Variants in RALGPS2 observed in about 807,000 individuals in gnomAD.
RALGPS2 encodes the protein ras-specific guanine nucleotide-releasing factor RalGPS2.
Under a neutral mutation model 86.8 loss-of-function variants are expected in RALGPS2, and 43 were observed. That is an observed-to-expected ratio of 0.50 (90% CI 0.39 to 0.64). The LOEUF (loss-of-function observed/expected upper bound fraction) is 0.64. Ranked by LOEUF, RALGPS2 falls within the 30% of genes least tolerant of loss-of-function variation. RALGPS2 has a pLI of 0.00. For missense variants in RALGPS2, 536 were observed against 694.6 expected, an observed-to-expected ratio of 0.77 and a Z score of 2.57; for synonymous variants, 243 against 231.3, an observed-to-expected ratio of 1.05 and a Z score of -0.46.
At chr1:178,770,408 A>G (rs1260429930) in intron 1 of RALGPS2, among the ~76,000 whole-genome samples, 1 of 152,142 alleles carries the variant, frequency 6.6e-6, no homozygotes, top group Non-Finnish European at 1.5e-5. Flanking sequence ...TTGGGGGGAA[A>G]AAGATGCCAC....
chr1:178,826,460 A>G (rs1160555925), intron 7 of RALGPS2, among the ~76,000 whole-genome samples: 1 of 152,202 alleles, frequency 6.6e-6, no homozygotes, highest in Non-Finnish European at 1.5e-5. Flanking sequence ...AAGAACAAAT[A>G]CTGTATAATT....
chr1:178,833,492 C>T lies in RALGPS2; in HGVS notation c.549C>T (p.Tyr183=). 6.5e-7 allele frequency: 1 copy of T among 1,532,710 alleles called. No homozygotes were observed. The highest frequency in any genetic ancestry group is 1.4e-5 in the African/African-American group (1 of 69,074). The allele number at this position is 1,532,710 out of a possible 1,614,324, so 94.9% of individuals were successfully genotyped here. A position where few individuals can be genotyped will look rare whatever the true frequency, so the allele number is the denominator to read the frequency against. Residue 183 remains tyrosine (Y), a synonymous_variant, in exon 8 of 20, where the codon TAC becomes TAT. Transcript: ENST00000367635. ...LEYVMSKEDN[Y]KRLRDYISSL... ...ATGTAATGAGTAAAGAAGATAACTA[C>T]AAAAGACTCAGAGACTATATAAGTA...
intron 7 of RALGPS2, among the ~76,000 whole-genome samples, chr1:178,825,955 G>A (rs1423700859): frequency 2.6e-5 from 4 of 152,152 alleles, no homozygotes; most frequent in Non-Finnish European, 5.9e-5. Context: ...AGAGTAAGGA[G>A]CAAAGATTAC....
rs563618773 is a variant in RALGPS2, at chr1:178,877,678, A to C, written c.745+43A>C. ...AATGCCAAGCCATTAAGATTGCTGTAATCCAGTGATTTATTTACACACACT... is the reference window on the plus strand; with the variant it reads ...AATGCCAAGCCATTAAGATTGCTGTCATCCAGTGATTTATTTACACACACT... On this transcript the variant is annotated intron_variant, in intron 9 of 19. Transcript: ENST00000367635. 5.0e-6 allele frequency: 8 copies of C among 1,602,706 alleles called. No homozygotes were observed. In the South Asian group the frequency reaches 7.7e-5, roughly 16 times the overall value.
chr1:178,735,907 G>A (rs1319150758), intron 1 of RALGPS2, among the ~76,000 whole-genome samples: 1 of 151,934 alleles, frequency 6.6e-6, no homozygotes, highest in Non-Finnish European at 1.5e-5. Flanking sequence ...AAACTCTTGA[G>A]CATTTAGGTT....
rs1036064729 is a variant in RALGPS2 at position 178,765,282 on chromosome 1, G to A, written c.-83-11400G>A. 1.3e-4 allele frequency among the ~76,000 whole-genome samples: 20 copies of A among 151,606 alleles called. No homozygotes were observed. The East Asian group carries it at 2.3e-3, about 18-fold the overall frequency. ...TCCTTTTCTATTTTCCCTAAATGTCGGCCAGTCTGAGAAATAAAGGGAAAG... is the reference window on the plus strand; with the variant it reads ...TCCTTTTCTATTTTCCCTAAATGTCAGCCAGTCTGAGAAATAAAGGGAAAG... On this transcript the variant is annotated intron_variant, in intron 1 of 19. Coordinates refer to ENST00000367635, the MANE Select transcript of RALGPS2 (RefSeq NM_152663.5).
At chr1:178,879,452 A>G (rs116628850) in intron 10 of RALGPS2, 1,726 of 153,306 alleles carry the variant, frequency 0.011, 10 homozygotes, top group Non-Finnish European at 0.016. Context: ...CCTTTCTCCA[A>G]TGTAGCAGAA....
chr1:178,779,794 C>T (rs938049675), intron 2 of RALGPS2, among the ~76,000 whole-genome samples: 11 of 152,198 alleles, frequency 7.2e-5, no homozygotes, highest in Non-Finnish European at 1.2e-4. Context: ...AGTGCAGTGG[C>T]ACGATCTGGG....
At chr1:178,874,413 A>G (rs1023783767) in intron 8 of RALGPS2, among the ~76,000 whole-genome samples, 1 of 152,174 alleles carries the variant, frequency 6.6e-6, no homozygotes, top group Non-Finnish European at 1.5e-5. Context: ...ACATGTGGCA[A>G]GTGGTTATAT....
intron 6 of RALGPS2, among the ~76,000 whole-genome samples, chr1:178,814,507 C>T (rs1313285610): frequency 6.6e-6 from 1 of 152,234 alleles, no homozygotes; most frequent in Non-Finnish European, 1.5e-5. Context: ...GTGATCCCAA[C>T]TCACTGCATC....
intron 8 of RALGPS2, among the ~76,000 whole-genome samples, chr1:178,873,720 G>T (rs1658871675): frequency 6.6e-6 from 1 of 152,202 alleles, no homozygotes; most frequent in Non-Finnish European, 1.5e-5. Context: ...AAATAAAATG[G>T]ATGAGTTACA....
intron 19 of RALGPS2, among the ~76,000 whole-genome samples, chr1:178,913,643 A>T (rs983265503): frequency 6.6e-6 from 1 of 152,048 alleles, no homozygotes; most frequent in African/African-American, 2.4e-5. Context: ...TGACTTTTGG[A>T]TGGTGCTTTT....
At chr1:178,889,067 G>A (rs1044159992) in intron 13 of RALGPS2, among the ~76,000 whole-genome samples, 5 of 151,776 alleles carry the variant, frequency 3.3e-5, no homozygotes, top group South Asian at 2.1e-4. Context: ...AATTGTAAAC[G>A]TTCTGTTTGA....
intron 4 of RALGPS2, among the ~76,000 whole-genome samples, chr1:178,797,712 G>A (rs929255258): frequency 2.6e-5 from 4 of 151,992 alleles, no homozygotes; most frequent in African/African-American, 9.7e-5. Flanking sequence ...ATACGTGTCT[G>A]TATAAATCTG....
chr1:178,838,743 C>T (rs879410882), intron 8 of RALGPS2, among the ~76,000 whole-genome samples: 21 of 152,208 alleles, frequency 1.4e-4, no homozygotes, highest in Admixed American at 3.3e-4. Context: ...TCGAATCCGT[C>T]GCAAAGAAGC....
At chr1:178,848,203 C>G (rs1029790741) in intron 8 of RALGPS2, among the ~76,000 whole-genome samples, 5 of 151,880 alleles carry the variant, frequency 3.3e-5, no homozygotes, top group African/African-American at 1.2e-4. Flanking sequence ...CCCAGCTACT[C>G]AGGAGGCTAA....
intron 1 of RALGPS2, among the ~76,000 whole-genome samples, chr1:178,758,250 CTTTTAAT>C (rs1471578824): frequency 1.3e-5 from 2 of 151,570 alleles, no homozygotes; most frequent in Non-Finnish European, 2.9e-5. Context: ...TTCATTGATT[CTTTTAAT>C]TTTTAATTCT....
In RALGPS2 at chr1:178,903,580, G is replaced by A. The variant is rs150881857; in HGVS notation, c.1630+1369G>A. ...TGCATCCTCATAGCTTAGCTCCCACGTATCAGTGAGAACATATGATGTTTG... is the reference window on the plus strand; with the variant it reads ...TGCATCCTCATAGCTTAGCTCCCACATATCAGTGAGAACATATGATGTTTG... On this transcript the variant is annotated intron_variant, in intron 18 of 19. Coordinates refer to ENST00000367635, the MANE Select transcript of RALGPS2 (RefSeq NM_152663.5). Among the ~76,000 whole-genome samples the A allele has an allele frequency of 8.6e-3, 1,303 of 152,140 alleles. 16 individuals are homozygous for A. Among genetic ancestry groups the A allele is most frequent in the African/African-American group, 0.029 (1,205 of 41,506 alleles).
intron 2 of RALGPS2, among the ~76,000 whole-genome samples, chr1:178,777,145 C>T (rs1653138897): frequency 7.2e-6 from 1 of 137,976 alleles, no homozygotes; most frequent in Middle Eastern, 3.6e-3. Flanking sequence ...TATTCCCCTT[C>T]CTGTGTCCAT....
Sources: allele counts gnomAD v4.1 joint callset (sites outside exome capture counted in the v4.1 genomes callset), GRCh38; gene constraint gnomAD v4.1.1; transcripts MANE v1.5; gene names NCBI Gene and HGNC (gene_info 2026-07-23, HGNC 2026-07-21).